The following POPDC3 variants were observed in gnomAD, a reference collection of about 807,000 sequenced individuals.
POPDC3 encodes popeye domain-containing protein 3.
POPDC3 carries 20 observed loss-of-function variants against 28.2 expected under a neutral mutation model. The ratio of observed to expected loss-of-function variants is 0.71; its 90% CI spans 0.50 to 1.03. The LOEUF (loss-of-function observed/expected upper bound fraction) is 1.03. Among genes scored for constraint, POPDC3 ranks in the 50% least tolerant of loss-of-function variants. The pLI, the probability that POPDC3 is intolerant of heterozygous loss-of-function variation, is 0.00. For synonymous variants in POPDC3, 118 were observed against 124.1 expected, an observed-to-expected ratio of 0.95 and a Z score of 0.33; for missense variants, 316 against 345.9, an observed-to-expected ratio of 0.91 and a Z score of 0.69.
intron 1 of POPDC3, chr6:105,179,014 C>A: frequency 1.0e-6 from 1 of 985,388 alleles, no homozygotes; most frequent in African/African-American, 1.7e-5. Context: ...GCTTCTAATT[C>A]TACTTTTCCA....
At chr6:105,165,562 C>T (rs1774438561) in intron 1 of POPDC3, among the ~76,000 whole-genome samples, 2 of 152,186 alleles carry the variant, frequency 1.3e-5, no homozygotes, top group Admixed American at 1.3e-4. Context: ...GTAACATCTT[C>T]TGTCATCTAT....
Position 105,162,095 on chromosome 6 carries a change from T to A in POPDC3, c.-186A>T. 1 of 1,328,958 alleles carries A rather than the reference T, an allele frequency of 7.5e-7. No individual in the cohort carries two copies. Among genetic ancestry groups the A allele is most frequent in the Non-Finnish European group, 9.6e-7 (1 of 1,046,008 alleles). The allele number at this position is 1,328,958 out of a possible 1,614,324, so 82.3% of individuals were successfully genotyped here. A position where few individuals can be genotyped will look rare whatever the true frequency, so the allele number is the denominator to read the frequency against. ...GGATCTTGAAAAACTAAGAATCCCA[T>A]GCTCGCTTCTTTAAGTTCATCTGGG... is the stretch of plus-strand genomic sequence containing the variant. On this transcript the variant is annotated 5_prime_UTR_variant, in exon 2 of 4. It removes an upstream start codon present in the reference 5' UTR. Coordinates refer to ENST00000254765, the MANE Select transcript of POPDC3 (RefSeq NM_022361.5).
intron 2 of POPDC3, among the ~76,000 whole-genome samples, chr6:105,160,734 T>G (rs1233927056): frequency 2.0e-5 from 3 of 152,052 alleles, no homozygotes; most frequent in Non-Finnish European, 2.9e-5. Flanking sequence ...CTGGGACTAC[T>G]GGCATGTGCC....
intron 1 of POPDC3, chr6:105,177,159 T>G (rs1774696723): frequency 5.8e-6 from 1 of 171,954 alleles, no homozygotes; most frequent in South Asian, 1.9e-4. Flanking sequence ...CACAAAAAAT[T>G]GAAGACTGCC....
chr6:105,179,220 T>A, intron 1 of POPDC3: 18 of 985,356 alleles, frequency 1.8e-5, no homozygotes, highest in Non-Finnish European at 2.2e-5. Flanking sequence ...GGCAGGGGGA[T>A]CCCCAAATGG....
intron 1 of POPDC3, chr6:105,169,866 TG>T (rs1774540277): frequency 1.3e-5 from 2 of 152,352 alleles, no homozygotes; most frequent in South Asian, 4.2e-4. Flanking sequence ...CAGATGCCAG[TG>T]TCTGCTCTCT....
chr6:105,170,886 A>C (rs1190299), intron 1 of POPDC3, among the ~76,000 whole-genome samples: 150,971 of 152,314 alleles, frequency 0.99, 74,837 homozygotes, highest in East Asian at 1. Context: ...GGCACTTGAT[A>C]TTAAAAAAAG....
intron 1 of POPDC3, among the ~76,000 whole-genome samples, chr6:105,173,817 G>GAGAATTACAAAATTGGAA: frequency 6.7e-6 from 1 of 149,972 alleles, no homozygotes; most frequent in Non-Finnish European, 1.5e-5. Flanking sequence ...CTTTGAAGTA[G>GAGAATTACAAAATTGGAA]AGAATTACAA....
intron 1 of POPDC3, among the ~76,000 whole-genome samples, chr6:105,177,563 G>T (rs1381580140): frequency 6.6e-6 from 1 of 152,194 alleles, no homozygotes; most frequent in African/African-American, 2.4e-5. Flanking sequence ...GAAGAACCAA[G>T]ATCAGCTGTG....
rs755117892 is a variant in POPDC3 at position 105,161,622 on chromosome 6, T to G, written c.288A>C (p.Ala96=). 2 of 1,614,204 alleles carry G rather than the reference T, an allele frequency of 1.2e-6. No homozygotes were observed. The highest frequency in any genetic ancestry group is 3.3e-5 in the Admixed American group (2 of 60,028). Reference sequence around the variant, plus strand: ...CAAAGGTTATGCTGCGAACTTGATATGCAATATGAACAAATTGCATGAAGC... The same window carrying G: ...CAAAGGTTATGCTGCGAACTTGATAGGCAATATGAACAAATTGCATGAAGC... ...VICFMQFVHI[A]YQVRSITFAR... The change falls in exon 2 of 4, where the codon GCA becomes GCC. Residue 96 remains alanine, a synonymous_variant. Coordinates refer to ENST00000254765, the MANE Select transcript of POPDC3 (RefSeq NM_022361.5).
In POPDC3 at chr6:105,158,389, C is replaced by CT; in HGVS notation, c.*80dup. 5.6e-6 allele frequency: 7 copies of CT among 1,254,320 alleles called. 1 individual carries two copies. The South Asian group carries it at 6.7e-5, about 12-fold the overall frequency. The allele number at this position is 1,254,320 out of a possible 1,614,324, so 77.7% of individuals were successfully genotyped here. A position where few individuals can be genotyped will look rare whatever the true frequency, so the allele number is the denominator to read the frequency against. ...TGATTTATAAAAACATTAGGGAGCT[C>CT]TTTTTTTGTATTTTGCTATTTCACT... is the stretch of plus-strand genomic sequence containing the variant. On this transcript the variant is annotated 3_prime_UTR_variant, in exon 4 of 4. Coordinates refer to ENST00000254765, the MANE Select transcript of POPDC3 (RefSeq NM_022361.5).
chr6:105,175,152 G>C (rs1302630196), intron 1 of POPDC3, among the ~76,000 whole-genome samples: 1 of 151,294 alleles, frequency 6.6e-6, no homozygotes, highest in African/African-American at 2.4e-5. Flanking sequence ...GGGCAACAGA[G>C]CAAGACTCCA....
chr6:105,171,344 A>G (rs1012433980), intron 1 of POPDC3, among the ~76,000 whole-genome samples: 17 of 152,250 alleles, frequency 1.1e-4, no homozygotes, highest in Admixed American at 1.0e-3. Flanking sequence ...TAGCTCTCAA[A>G]TGGCCTTAAA....
intron 1 of POPDC3, among the ~76,000 whole-genome samples, chr6:105,164,482 G>A (rs570302584): frequency 1.3e-5 from 2 of 152,256 alleles, no homozygotes; most frequent in South Asian, 4.2e-4. Flanking sequence ...GTGCTGACTT[G>A]CCCTGATTAA....
chr6:105,168,714 C>T (rs1774511246), intron 1 of POPDC3: 1 of 152,164 alleles, frequency 6.6e-6, no homozygotes, highest in South Asian at 2.1e-4. Context: ...AATAGTCACT[C>T]TTATGATTAT....
intron 1 of POPDC3, among the ~76,000 whole-genome samples, chr6:105,174,051 T>C (rs1696442740): frequency 6.6e-6 from 1 of 152,136 alleles, no homozygotes; most frequent in African/African-American, 2.4e-5. Flanking sequence ...AAGGAAGAAA[T>C]TTTTTCTTAG....
intron 1 of POPDC3, among the ~76,000 whole-genome samples, chr6:105,162,791 A>G (rs1014093518): frequency 4.6e-5 from 7 of 152,142 alleles, no homozygotes; most frequent in Non-Finnish European, 1.5e-5. Context: ...AACCAGAATC[A>G]TTGCGGGTGG....
At chr6:105,177,068 C>G (rs924438087) in intron 1 of POPDC3, 3 of 349,966 alleles carry the variant, frequency 8.6e-6, no homozygotes, top group African/African-American at 2.1e-5. Context: ...TTAAAAAAAT[C>G]CATGAACCCA....
intron 1 of POPDC3, among the ~76,000 whole-genome samples, chr6:105,178,379 T>G (rs775776008): frequency 1.3e-5 from 2 of 152,186 alleles, no homozygotes; most frequent in Non-Finnish European, 2.9e-5. Context: ...CATGACACAT[T>G]TTTATTTAAT....
Sources: allele counts gnomAD v4.1 joint callset (sites outside exome capture counted in the v4.1 genomes callset), GRCh38; gene constraint gnomAD v4.1.1; transcripts MANE v1.5; gene names NCBI Gene and HGNC (gene_info 2026-07-23, HGNC 2026-07-21).